Variants in ROBO2 observed in about 807,000 individuals in gnomAD.
ROBO2 encodes roundabout guidance receptor 2, also known as roundabout homolog 2.
In ROBO2, 53 loss-of-function variants were observed where a neutral mutation model predicts 160.8. The observed-to-expected ratio is 0.33, with a 90% CI of 0.26 to 0.41. ROBO2 has a LOEUF of 0.41. Ranked by LOEUF, ROBO2 falls within the 10% of genes least tolerant of loss-of-function variation. ROBO2 has a pLI of 1.00. For missense variants in ROBO2, 1,577 were observed against 1,722.4 expected (o/e 0.92, Z 1.49); for synonymous variants, 664 against 611.7 (o/e 1.09, Z -1.26).
At chr3:76,510,607 C>T (rs777842648) in intron 2 of ROBO2, among the ~76,000 whole-genome samples, 2 of 151,998 alleles carry the variant, frequency 1.3e-5, no homozygotes, top group African/African-American at 4.8e-5. Context: ...ACCTTTAGTC[C>T]CAGCTACTTG....
At chr3:76,462,255 T>C (rs2078126660) in intron 2 of ROBO2, among the ~76,000 whole-genome samples, 1 of 152,180 alleles carries the variant, frequency 6.6e-6, no homozygotes, top group African/African-American at 2.4e-5. Flanking sequence ...GATAAAATTG[T>C]ACATTCAGGT....
At chr3:76,869,514 A>AT (rs968922356) in intron 2 of ROBO2, among the ~76,000 whole-genome samples, 48 of 150,788 alleles carry the variant, frequency 3.2e-4, no homozygotes, top group Middle Eastern at 3.4e-3. Context: ...CACGCCTCGT[A>AT]TTTTTTTTGT....
intron 13 of ROBO2, among the ~76,000 whole-genome samples, chr3:77,569,713 T>C (rs1289448138): frequency 6.6e-6 from 1 of 152,000 alleles, no homozygotes. Flanking sequence ...TTCCTTCTTT[T>C]TTGCTTAGGA....
intron 2 of ROBO2, among the ~76,000 whole-genome samples, chr3:76,256,539 T>C (rs940970988): frequency 1.3e-5 from 2 of 151,482 alleles, no homozygotes; most frequent in Admixed American, 1.3e-4. Context: ...AAATCCTGTC[T>C]CTACAAAAAA....
chr3:76,642,421 C>G (rs1225070562), intron 2 of ROBO2, among the ~76,000 whole-genome samples: 2 of 126,554 alleles, frequency 1.6e-5, no homozygotes, highest in Non-Finnish European at 3.1e-5. Context: ...GGCGTGATCT[C>G]AATTCACTGC....
chr3:77,372,173 T>A (rs1482946253), intron 2 of ROBO2, among the ~76,000 whole-genome samples: 1 of 151,418 alleles, frequency 6.6e-6, no homozygotes, highest in East Asian at 1.9e-4. Flanking sequence ...AGAGTGAAGA[T>A]GTGAGAGAGT....
At chr3:76,803,848 T>C (rs543379993) in intron 2 of ROBO2, among the ~76,000 whole-genome samples, 9 of 152,294 alleles carry the variant, frequency 5.9e-5, no homozygotes, top group Admixed American at 2.0e-4. Flanking sequence ...GCGGAATCAC[T>C]TCTAGCTAAG....
intron 2 of ROBO2, among the ~76,000 whole-genome samples, chr3:77,207,262 C>A (rs1209731154): frequency 6.6e-6 from 1 of 152,130 alleles, no homozygotes; most frequent in African/African-American, 2.4e-5. Flanking sequence ...GAGCATTTAA[C>A]TGGACAATTA....
At chr3:76,382,416 G>A (rs1220785036) in intron 2 of ROBO2, among the ~76,000 whole-genome samples, 1 of 152,232 alleles carries the variant, frequency 6.6e-6, no homozygotes, top group Non-Finnish European at 1.5e-5. Context: ...GTGGAACCCC[G>A]TCTCTACTAA....
intron 2 of ROBO2, among the ~76,000 whole-genome samples, chr3:77,030,721 T>C (rs980164911): frequency 1.3e-5 from 2 of 152,242 alleles, no homozygotes; most frequent in Non-Finnish European, 2.9e-5. Flanking sequence ...AATCTTCATG[T>C]AGCTTATGTA....
At chr3:77,531,947 A>T (rs2091761964) in intron 6 of ROBO2, among the ~76,000 whole-genome samples, 2 of 152,114 alleles carry the variant, frequency 1.3e-5, no homozygotes, top group African/African-American at 4.8e-5. Context: ...CCATTTACTT[A>T]TTATTAAGCA....
chr3:76,153,226 G>A (rs1047856960), intron 2 of ROBO2, among the ~76,000 whole-genome samples: 29 of 152,162 alleles, frequency 1.9e-4, no homozygotes, highest in Non-Finnish European at 2.6e-4. Flanking sequence ...TTTACAGTGT[G>A]TGGAGCAAGC....
chr3:76,998,135 G>T (rs1427483760), intron 2 of ROBO2, among the ~76,000 whole-genome samples: 1 of 152,098 alleles, frequency 6.6e-6, no homozygotes, highest in East Asian at 1.9e-4. Flanking sequence ...ATGTTCTGTG[G>T]TCAGTTTTAC....
chr3:77,565,963 G>T (rs1326647962), intron 12 of ROBO2, among the ~76,000 whole-genome samples: 2 of 151,954 alleles, frequency 1.3e-5, no homozygotes, highest in Non-Finnish European at 2.9e-5. Context: ...TAATAAAATA[G>T]AAACGGTAAT....
At chr3:75,980,927 C>A (rs911383928) in intron 2 of ROBO2, among the ~76,000 whole-genome samples, 1 of 151,254 alleles carries the variant, frequency 6.6e-6, no homozygotes, top group Non-Finnish European at 1.5e-5. Context: ...ATTTACACTT[C>A]TATGTAGAAA....
chr3:76,545,455 TTAAGA>T (rs2083043422), intron 2 of ROBO2, among the ~76,000 whole-genome samples: 3 of 151,994 alleles, frequency 2.0e-5, no homozygotes, highest in Admixed American at 1.3e-4. Context: ...GGAAGTTTTC[TTAAGA>T]TAAGGCTTAC....
chr3:76,501,065 A>G (rs2080439636), intron 2 of ROBO2, among the ~76,000 whole-genome samples: 4 of 152,206 alleles, frequency 2.6e-5, no homozygotes, highest in Admixed American at 2.6e-4. Flanking sequence ...CTGGAAATGA[A>G]TGCCAAAAGG....
At chr3:76,537,356 T>C (rs953102162) in intron 2 of ROBO2, among the ~76,000 whole-genome samples, 3 of 152,074 alleles carry the variant, frequency 2.0e-5, no homozygotes, top group African/African-American at 7.2e-5. Context: ...TTTGCAACCA[T>C]TGTCAAGTTT....
In ROBO2 at chr3:76,165,174, T is replaced by G. The variant is rs187748182; in HGVS notation, c.109+227572T>G. Among the ~76,000 whole-genome samples the G allele has an allele frequency of 2.1e-3, 319 of 152,296 alleles. 1 individual carries two copies. Among genetic ancestry groups the G allele is most frequent in the African/African-American group, 7.4e-3 (307 of 41,560 alleles). ...TCTTCCAGTACGAGGCTGTTTTGTCTCCATTGAAAAGCTGTTGTTTAGTGT... is the reference window on the plus strand; with the variant it reads ...TCTTCCAGTACGAGGCTGTTTTGTCGCCATTGAAAAGCTGTTGTTTAGTGT... On this transcript the variant is annotated intron_variant, in intron 2 of 26. Transcript: ENST00000487694.
Sources: gnomAD v4.1 joint callset for allele counts (sites outside exome capture counted in the v4.1 genomes callset) on GRCh38, gnomAD v4.1.1 for gene constraint, MANE v1.5 for transcripts, NCBI Gene and HGNC (gene_info 2026-07-23, HGNC 2026-07-21) for gene names.